SHTN1: variants seen among roughly 807,000 people sequenced by gnomAD.
The protein encoded by SHTN1 is shootin-1.
In SHTN1, 42 loss-of-function variants were observed where a neutral mutation model predicts 83.1. That is an observed-to-expected ratio of 0.51 (90% CI 0.39 to 0.65). SHTN1 has a LOEUF of 0.65. SHTN1 is among the 30% of genes least tolerant of loss of function. The pLI is 0.00. For missense variants in SHTN1, 622 were observed against 737.8 expected (o/e 0.84, Z 1.82); for synonymous variants, 224 against 247.7 (o/e 0.90, Z 0.90).
At chr10:116,889,979 T>C (rs945018726) in intron 16 of SHTN1, among the ~76,000 whole-genome samples, 1 of 152,084 alleles carries the variant, frequency 6.6e-6, no homozygotes, top group African/African-American at 2.4e-5. Context: ...TCTACCTTCA[T>C]TCCTATCGTA....
intron 2 of SHTN1, among the ~76,000 whole-genome samples, chr10:117,020,782 G>A (rs2133564113): frequency 6.6e-6 from 1 of 151,968 alleles, no homozygotes. Context: ...AGATACAAAA[G>A]CAACAAAATT....
chr10:116,983,252 T>C (rs1851093203), intron 1 of SHTN1, among the ~76,000 whole-genome samples: 2 of 152,152 alleles, frequency 1.3e-5, no homozygotes, highest in Admixed American at 6.5e-5. Flanking sequence ...TAAGAGTAAA[T>C]GAGTTAACAT....
chr10:117,085,091 A>G (rs1039679985), intron 1 of SHTN1, among the ~76,000 whole-genome samples: 5 of 152,240 alleles, frequency 3.3e-5, no homozygotes, highest in African/African-American at 7.2e-5. Context: ...ATAAACTTCA[A>G]GAAAACAGCT....
intron 1 of SHTN1, among the ~76,000 whole-genome samples, chr10:117,000,458 G>C (rs975757204): frequency 6.6e-6 from 1 of 152,110 alleles, no homozygotes; most frequent in Non-Finnish European, 1.5e-5. Context: ...GTGAAAAGAG[G>C]TTTAAAATTG....
chr10:116,946,905 G>A (rs1430005777), intron 7 of SHTN1, among the ~76,000 whole-genome samples: 7 of 151,720 alleles, frequency 4.6e-5, no homozygotes, highest in Non-Finnish European at 7.4e-5. Context: ...TATTTCAGTA[G>A]AGACGAGGTT....
At chr10:117,016,950 C>A (rs1305268796) in intron 2 of SHTN1, among the ~76,000 whole-genome samples, 1 of 152,010 alleles carries the variant, frequency 6.6e-6, no homozygotes, top group Non-Finnish European at 1.5e-5. Flanking sequence ...CAGTGATAAA[C>A]CACAAGCATG....
At chr10:116,973,180 A>T (rs888314124) in intron 2 of SHTN1, among the ~76,000 whole-genome samples, 10 of 152,220 alleles carry the variant, frequency 6.6e-5, no homozygotes, top group African/African-American at 2.4e-4. Flanking sequence ...CAGATAACTG[A>T]TACAGATACC....
At chr10:117,064,195 G>A (rs2133597399) in intron 1 of SHTN1, among the ~76,000 whole-genome samples, 1 of 152,298 alleles carries the variant, frequency 6.6e-6, no homozygotes, top group East Asian at 1.9e-4. Context: ...GGCCTCAAAA[G>A]TAGATGCTCC....
At chr10:117,006,531 A>C (rs1394332397), upstream of SHTN1, among the ~76,000 whole-genome samples, 5 of 144,304 alleles carry the variant, frequency 3.5e-5, no homozygotes, top group Non-Finnish European at 7.5e-5. Flanking sequence ...GCGCCACTGC[A>C]CTCCAGCCTG....
At chr10:117,076,860 T>A (rs1168929510) in intron 1 of SHTN1, among the ~76,000 whole-genome samples, 2 of 152,198 alleles carry the variant, frequency 1.3e-5, no homozygotes, top group African/African-American at 2.4e-5. Flanking sequence ...CTTACAAGTT[T>A]CTGGAGAAAA....
At chr10:116,983,687 A>ATAGATAC (rs1851124220) in intron 1 of SHTN1, among the ~76,000 whole-genome samples, 1 of 60,254 alleles carries the variant, frequency 1.7e-5, no homozygotes, top group African/African-American at 4.4e-5. Context: ...TAGATAGATA[A>ATAGATAC]ATACATACAT....
chr10:117,035,283 T>C (rs1253473031), intron 2 of SHTN1, among the ~76,000 whole-genome samples: 1 of 152,202 alleles, frequency 6.6e-6, no homozygotes, highest in Non-Finnish European at 1.5e-5. Context: ...GATATCCATA[T>C]GCAGAAGAAT....
chr10:116,941,091 G>C (rs1165968853), intron 8 of SHTN1, among the ~76,000 whole-genome samples: 2 of 152,122 alleles, frequency 1.3e-5, no homozygotes, highest in Admixed American at 6.5e-5. Flanking sequence ...ACACTATCAA[G>C]TAGACACTAC....
At chr10:116,929,179 CTAT>C (rs1302087147) in intron 10 of SHTN1, among the ~76,000 whole-genome samples, 4 of 152,248 alleles carry the variant, frequency 2.6e-5, no homozygotes, top group South Asian at 4.2e-4. Context: ...AATATTGAAG[CTAT>C]TATAAAGGGA....
At chr10:117,105,708 C>T (rs1198614216) in intron 1 of SHTN1, among the ~76,000 whole-genome samples, 2 of 152,142 alleles carry the variant, frequency 1.3e-5, no homozygotes, top group Non-Finnish European at 2.9e-5. Context: ...CATTATCCTC[C>T]CAAAATAATC....
intron 1 of SHTN1, among the ~76,000 whole-genome samples, chr10:117,126,076 T>C (rs1854001212): frequency 6.6e-6 from 1 of 152,184 alleles, no homozygotes; most frequent in Non-Finnish European, 1.5e-5. Flanking sequence ...GGCGTGGGTC[T>C]GGAGGGCGGA....
intron 1 of SHTN1, among the ~76,000 whole-genome samples, chr10:117,052,661 G>A (rs1362880840): frequency 6.6e-6 from 1 of 151,996 alleles, no homozygotes; most frequent in Non-Finnish European, 1.5e-5. Flanking sequence ...AGTGTTCTAA[G>A]ATCCTTCAAT....
At chr10:116,988,837 G>T (rs1851315847) in intron 1 of SHTN1, among the ~76,000 whole-genome samples, 1 of 152,108 alleles carries the variant, frequency 6.6e-6, no homozygotes, top group Non-Finnish European at 1.5e-5. Context: ...ATCATGCCTG[G>T]CCCAGAACTC....
intron 3 of SHTN1, among the ~76,000 whole-genome samples, chr10:116,967,263 G>T (rs1335548985): frequency 6.6e-6 from 1 of 152,082 alleles, no homozygotes; most frequent in Non-Finnish European, 1.5e-5. Flanking sequence ...TGCTGTCTTA[G>T]GGGATAAATA....
Sources: allele counts gnomAD v4.1 joint callset (sites outside exome capture counted in the v4.1 genomes callset), GRCh38; gene constraint gnomAD v4.1.1; transcripts MANE v1.5; gene names NCBI Gene and HGNC (gene_info 2026-07-23, HGNC 2026-07-21).